The following COL21A1 variants were observed in gnomAD, a reference collection of about 807,000 sequenced individuals.
COL21A1 encodes the protein collagen alpha-1(XXI) chain.
In COL21A1, 149 loss-of-function variants were observed where a neutral mutation model predicts 137.9. The ratio of observed to expected loss-of-function variants is 1.08; its 90% CI spans 0.95 to 1.24. The LOEUF (loss-of-function observed/expected upper bound fraction) is 1.24, where lower values mean the gene tolerates loss of function less well. Ranked by LOEUF, COL21A1 falls within the 50% of genes most tolerant of loss-of-function variation. COL21A1 has a pLI of 0.00. For missense variants in COL21A1, 1,167 were observed against 1,158.4 expected (o/e 1.01, Z -0.11); for synonymous variants, 456 against 391.5 (o/e 1.16, Z -1.95).
chr6:56,197,749 G>A (rs1779119994), intron 1 of COL21A1, among the ~76,000 whole-genome samples: 1 of 151,996 alleles, frequency 6.6e-6, no homozygotes. Context: ...GTACACTGTT[G>A]GTGGAACTTT....
chr6:56,333,446 T>C (rs1765275000), intron 1 of COL21A1, among the ~76,000 whole-genome samples: 1 of 152,144 alleles, frequency 6.6e-6, no homozygotes, highest in Non-Finnish European at 1.5e-5. Flanking sequence ...GATTTATCCA[T>C]ATTGTAATGT....
At chr6:56,230,756 T>C (rs557517492) in intron 1 of COL21A1, among the ~76,000 whole-genome samples, 1 of 151,938 alleles carries the variant, frequency 6.6e-6, no homozygotes, top group East Asian at 1.9e-4. Flanking sequence ...TATTTTCAAC[T>C]GAGAAAATAC....
At chr6:56,274,190 C>A (rs1160075956) in intron 1 of COL21A1, among the ~76,000 whole-genome samples, 1 of 152,102 alleles carries the variant, frequency 6.6e-6, no homozygotes, top group Non-Finnish European at 1.5e-5. Context: ...AAGTCCTTAA[C>A]AGAGTAGGCA....
At chr6:56,379,857 T>C (rs2152351730) in intron 1 of COL21A1, among the ~76,000 whole-genome samples, 1 of 152,362 alleles carries the variant, frequency 6.6e-6, no homozygotes, top group Non-Finnish European at 1.5e-5. Context: ...CATCTCAATA[T>C]AATTTTAACT....
intron 1 of COL21A1, among the ~76,000 whole-genome samples, chr6:56,264,763 C>T (rs1311188719): frequency 1.3e-5 from 2 of 152,144 alleles, no homozygotes; most frequent in Admixed American, 1.3e-4. Flanking sequence ...AAATTTAATC[C>T]ATATCATCTA....
At chr6:56,288,028 G>T (rs1281541031) in intron 1 of COL21A1, among the ~76,000 whole-genome samples, 1 of 152,128 alleles carries the variant, frequency 6.6e-6, no homozygotes, top group Non-Finnish European at 1.5e-5. Flanking sequence ...TTTTAGCCCA[G>T]TGAGACCCGT....
intron 1 of COL21A1, among the ~76,000 whole-genome samples, chr6:56,350,049 G>A (rs529285082): frequency 3.9e-4 from 59 of 152,280 alleles, no homozygotes; most frequent in Non-Finnish European, 6.0e-4. Flanking sequence ...ACCAACTCCC[G>A]AAAGTCTGCT....
chr6:56,119,142 C>T (rs1772215987), intron 16 of COL21A1, among the ~76,000 whole-genome samples: 1 of 152,028 alleles, frequency 6.6e-6, no homozygotes, highest in Admixed American at 6.6e-5. Flanking sequence ...GTAAAATTAT[C>T]CTTGTTTGCT....
At chr6:56,179,355 G>A (rs1320888202) in intron 3 of COL21A1, among the ~76,000 whole-genome samples, 1 of 151,858 alleles carries the variant, frequency 6.6e-6, no homozygotes, top group Non-Finnish European at 1.5e-5. Context: ...CCATAGATTT[G>A]TAACTTATTT....
rs1045752055 is a variant in COL21A1, at chr6:56,060,319, A to G, written c.2408-101T>C. 9 of 911,254 alleles carry G rather than the reference A, an allele frequency of 9.9e-6. No individual in the cohort carries two copies. The African/African-American group carries it at 1.6e-4, about 16-fold the overall frequency. The allele number at this position is 911,254 out of a possible 1,614,324, so 56.4% of individuals were successfully genotyped here. ...AGTTTACAGAGAAAAAACTACGAAC[A>G]TTGAATATGTGCATATTTCTTGGCC... On this transcript the variant is annotated intron_variant, in intron 27 of 29. Coordinates refer to ENST00000244728, the MANE Select transcript of COL21A1 (RefSeq NM_030820.4).
At chr6:56,140,424 G>A (rs1397491579) in intron 12 of COL21A1, among the ~76,000 whole-genome samples, 1 of 152,128 alleles carries the variant, frequency 6.6e-6, no homozygotes, top group Non-Finnish European at 1.5e-5. Flanking sequence ...AATTCCTACT[G>A]TAGGAGTCTT....
intron 1 of COL21A1, among the ~76,000 whole-genome samples, chr6:56,303,010 T>C (rs1233103487): frequency 6.6e-6 from 1 of 152,166 alleles, no homozygotes; most frequent in Non-Finnish European, 1.5e-5. Flanking sequence ...TGCTTGTTTT[T>C]CTCAGGTTTG....
chr6:56,082,685 A>T (rs1334152772), intron 17 of COL21A1, among the ~76,000 whole-genome samples: 2 of 151,878 alleles, frequency 1.3e-5, no homozygotes, highest in Admixed American at 1.3e-4. Context: ...TATATAATAG[A>T]GGTAATCATA....
intron 24 of COL21A1, 39 bp from the exon 25 acceptor site, chr6:56,061,720 G>C (rs1562135074): frequency 1.4e-6 from 2 of 1,402,666 alleles, no homozygotes; most frequent in Non-Finnish European, 2.0e-6. Flanking sequence ...AAATGTGCAA[G>C]CTACAGTACT....
In COL21A1 at chr6:56,170,870, A is replaced by G. The variant is rs755478189; in HGVS notation, c.810-5T>C. On this transcript the variant is annotated splice_region_variant and splice_polypyrimidine_tract_variant and intron_variant, in intron 4 of 29. Coordinates refer to ENST00000244728, the MANE Select transcript of COL21A1 (RefSeq NM_030820.4). The stretch of plus-strand genomic sequence containing the variant: ...AGACCTTCTGGGAAAACATTGCTAG[A>G]AAAAGAAGAGCAAGTGTAAGCTTAA... 2.5e-6 allele frequency: 4 copies of G among 1,607,514 alleles called. No individual in the cohort carries two copies. The highest frequency in any genetic ancestry group is 1.7e-5 in the Admixed American group (1 of 59,176).
At chr6:56,095,879 C>T (rs993234737) in intron 17 of COL21A1, among the ~76,000 whole-genome samples, 2 of 152,128 alleles carry the variant, frequency 1.3e-5, no homozygotes, top group Non-Finnish European at 2.9e-5. Context: ...CAGAGTCTCA[C>T]TCTGTCACCC....
At chr6:56,131,580 G>T (rs748182780) in intron 12 of COL21A1, among the ~76,000 whole-genome samples, 10 of 151,960 alleles carry the variant, frequency 6.6e-5, no homozygotes, top group Admixed American at 1.3e-4. Context: ...AGTCCATTAA[G>T]GGGAGGTTCA....
At chr6:56,323,407 T>C (rs1330175365) in intron 1 of COL21A1, among the ~76,000 whole-genome samples, 1 of 152,184 alleles carries the variant, frequency 6.6e-6, no homozygotes, top group African/African-American at 2.4e-5. Flanking sequence ...TTGTTTGTTT[T>C]GAGACCAAGT....
At chr6:56,320,357 C>A (rs56018610) in intron 1 of COL21A1, among the ~76,000 whole-genome samples, 13,473 of 152,082 alleles carry the variant, frequency 0.089, 689 homozygotes, top group African/African-American at 0.13. Context: ...GCCCTCTCTG[C>A]TTCTTTCCTT....
Sources: gnomAD v4.1 joint callset for allele counts (sites outside exome capture counted in the v4.1 genomes callset) on GRCh38, gnomAD v4.1.1 for gene constraint, MANE v1.5 for transcripts, NCBI Gene and HGNC (gene_info 2026-07-23, HGNC 2026-07-21) for gene names.